Variants in HS6ST3 observed in about 807,000 individuals in gnomAD.
HS6ST3 encodes the protein heparan-sulfate 6-O-sulfotransferase 3.
HS6ST3 carries 12 observed loss-of-function variants against 36.7 expected under a neutral mutation model. The observed-to-expected ratio is 0.33, with a 90% CI of 0.21 to 0.53. HS6ST3 has a LOEUF of 0.53. Among genes scored for constraint, HS6ST3 ranks in the 20% least tolerant of loss-of-function variants. The probability of loss-of-function intolerance (pLI) is 0.95; values close to 1 mark genes in which losing one functional copy is unlikely to be tolerated. For synonymous variants in HS6ST3, 240 were observed against 257.5 expected (o/e 0.93, Z 0.65); for missense variants, 584 against 640.9 (o/e 0.91, Z 0.96).
chr13:96,483,936 C>T (rs2055901568), intron 1 of HS6ST3, among the ~76,000 whole-genome samples: 1 of 152,142 alleles, frequency 6.6e-6, no homozygotes, highest in Admixed American at 6.6e-5. Context: ...AGGGTGAGGT[C>T]TGTGTCTAGA....
At chr13:96,784,673 G>T (rs1054221417) in intron 1 of HS6ST3, among the ~76,000 whole-genome samples, 3 of 152,016 alleles carry the variant, frequency 2.0e-5, no homozygotes, top group African/African-American at 7.2e-5. Context: ...TAAATTAGGT[G>T]CCTCAAATTG....
intron 1 of HS6ST3, among the ~76,000 whole-genome samples, chr13:96,190,535 G>A (rs1351547350): frequency 5.3e-5 from 8 of 151,968 alleles, no homozygotes; most frequent in African/African-American, 1.7e-4. Context: ...TTCATTCATG[G>A]CATTCAACAA....
chr13:96,149,856 G>C (rs1383743067), intron 1 of HS6ST3, among the ~76,000 whole-genome samples: 1 of 152,186 alleles, frequency 6.6e-6, no homozygotes, highest in East Asian at 1.9e-4. Flanking sequence ...ATTTTCTTAA[G>C]ATATCTGAGA....
intron 1 of HS6ST3, among the ~76,000 whole-genome samples, chr13:96,489,403 C>T (rs1265267652): frequency 2.2e-5 from 3 of 138,530 alleles, no homozygotes; most frequent in South Asian, 2.4e-4. Context: ...CACACACACA[C>T]ATATAGTTTT....
chr13:96,818,782 A>G (rs1028566578), intron 1 of HS6ST3, among the ~76,000 whole-genome samples: 22 of 152,234 alleles, frequency 1.4e-4, no homozygotes, highest in African/African-American at 4.8e-4. Context: ...CCAAGCTCCC[A>G]CACTATCCTT....
chr13:96,656,579 A>G (rs976249951), intron 1 of HS6ST3, among the ~76,000 whole-genome samples: 1 of 152,180 alleles, frequency 6.6e-6, no homozygotes, highest in Non-Finnish European at 1.5e-5. Context: ...TTGATGTGGA[A>G]GAAATGTGTT....
intron 1 of HS6ST3, among the ~76,000 whole-genome samples, chr13:96,827,663 T>C (rs982251436): frequency 2.0e-5 from 3 of 152,214 alleles, no homozygotes; most frequent in African/African-American, 7.2e-5. Flanking sequence ...CCTTGGCTGA[T>C]AGAACTCCAA....
rs1389748205 is a variant in HS6ST3 at position 96,615,118 on chromosome 13, A to G, written c.708-217372A>G. The stretch of plus-strand genomic sequence containing the variant: ...TCTTATATTAGTATTAGATTGGTAC[A>G]AAAGTAATTGTGGTTTTTGCTATTA... On this transcript the variant is annotated intron_variant, in intron 1 of 1. Coordinates refer to ENST00000376705, the MANE Select transcript of HS6ST3 (RefSeq NM_153456.4). Among the ~76,000 whole-genome samples the G allele has an allele frequency of 2.0e-5, 3 of 152,182 alleles. No homozygotes were observed. The East Asian group carries it at 5.8e-4, about 29-fold the overall frequency.
At chr13:96,668,994 T>C (rs2056674449) in intron 1 of HS6ST3, among the ~76,000 whole-genome samples, 1 of 152,010 alleles carries the variant, frequency 6.6e-6, no homozygotes, top group Non-Finnish European at 1.5e-5. Context: ...GTGCAGTGGG[T>C]AAATTGGAAA....
At chr13:96,719,588 C>A (rs1057106419) in intron 1 of HS6ST3, among the ~76,000 whole-genome samples, 1 of 152,054 alleles carries the variant, frequency 6.6e-6, no homozygotes, top group Non-Finnish European at 1.5e-5. Context: ...TTATTAAAGC[C>A]AGCTTGCTTA....
intron 1 of HS6ST3, among the ~76,000 whole-genome samples, chr13:96,734,549 G>T (rs1421092013): frequency 1.3e-5 from 2 of 152,138 alleles, no homozygotes; most frequent in Non-Finnish European, 2.9e-5. Flanking sequence ...CCAATCATTA[G>T]AATTTCATAT....
rs67979751 is a variant in HS6ST3, at chr13:96,614,297, C to CAA, written c.708-218163_708-218162dup. Among the ~76,000 whole-genome samples, 307 of 43,990 alleles carry CAA rather than the reference C, an allele frequency of 7.0e-3. 35 individuals are homozygous for CAA. The highest frequency in any genetic ancestry group is 0.012 in the African/African-American group (132 of 10,760). 28.9% of individuals were successfully genotyped at this position (43,990 alleles called of 152,430 possible). A position where few individuals can be genotyped will look rare whatever the true frequency, so the allele number is the denominator to read the frequency against. On this transcript the variant is annotated intron_variant, in intron 1 of 1. Coordinates refer to ENST00000376705, the MANE Select transcript of HS6ST3 (RefSeq NM_153456.4). ...TGGGCAACAGAGCAAGGATCCATCT[C>CAA]AAAAAAAAAAAAAAAAAAAAAAAAA...
At chr13:96,475,680 G>A (rs1484681773) in intron 1 of HS6ST3, among the ~76,000 whole-genome samples, 2 of 150,242 alleles carry the variant, frequency 1.3e-5, no homozygotes, top group African/African-American at 2.5e-5. Flanking sequence ...TTTTTCTAAT[G>A]ATATATACTA....
chr13:96,789,478 A>G (rs762086797), intron 1 of HS6ST3, among the ~76,000 whole-genome samples: 1 of 151,900 alleles, frequency 6.6e-6, no homozygotes, highest in Non-Finnish European at 1.5e-5. Flanking sequence ...AAAATAGTCC[A>G]TCATATTAAC....
chr13:96,760,805 A>G (rs1876949892), intron 1 of HS6ST3, among the ~76,000 whole-genome samples: 2 of 152,150 alleles, frequency 1.3e-5, no homozygotes, highest in Admixed American at 6.5e-5. Flanking sequence ...ATTTCTTATC[A>G]AGAGGTTTTT....
intron 1 of HS6ST3, among the ~76,000 whole-genome samples, chr13:96,647,714 A>G (rs1002550147): frequency 2.0e-5 from 3 of 152,044 alleles, no homozygotes; most frequent in Non-Finnish European, 4.4e-5. Flanking sequence ...TATAGATATG[A>G]TGAAGAAGTT....
chr13:96,812,592 A>G (rs998709319), intron 1 of HS6ST3, among the ~76,000 whole-genome samples: 1 of 152,214 alleles, frequency 6.6e-6, no homozygotes, highest in Non-Finnish European at 1.5e-5. Context: ...ATGATGATCT[A>G]TCTGCACAGA....
chr13:96,171,412 C>A (rs1255840784), intron 1 of HS6ST3, among the ~76,000 whole-genome samples: 1 of 152,156 alleles, frequency 6.6e-6, no homozygotes, highest in Non-Finnish European at 1.5e-5. Context: ...AATGGAATTG[C>A]CCTCCCAGAG....
At chr13:96,616,990 A>G (rs1338919171) in intron 1 of HS6ST3, among the ~76,000 whole-genome samples, 3 of 152,212 alleles carry the variant, frequency 2.0e-5, no homozygotes, top group Non-Finnish European at 2.9e-5. Context: ...GTGTTCAAGA[A>G]ACATAAGAGT....
Sources: allele counts gnomAD v4.1 joint callset (sites outside exome capture counted in the v4.1 genomes callset), GRCh38; gene constraint gnomAD v4.1.1; transcripts MANE v1.5; gene names NCBI Gene and HGNC (gene_info 2026-07-23, HGNC 2026-07-21).